The following LYSMD4 variants were observed in gnomAD, a reference collection of about 807,000 sequenced individuals.
The protein encoded by LYSMD4 is lysM and putative peptidoglycan-binding domain-containing protein 4.
Under a neutral mutation model 6.1 loss-of-function variants are expected in LYSMD4, and 9 were observed. The ratio of observed to expected loss-of-function variants is 1.47; its 90% CI spans 0.88 to 2.56. The LOEUF is 2.56. LYSMD4 is among the 30% of genes most tolerant of loss of function. The pLI is 0.00. For missense variants in LYSMD4, 384 were observed against 373.5 expected (o/e 1.03, Z -0.23); for synonymous variants, 143 against 148.5 (o/e 0.96, Z 0.27).
intron 2 of LYSMD4, 141 bp downstream of exon 2, chr15:99,731,577 T>C (rs2059412996): frequency 9.8e-6 from 15 of 1,527,762 alleles, no homozygotes; most frequent in South Asian, 1.3e-5. Context: ...TCTGGCTAAA[T>C]AGGGGAGTCC....
At chr15:99,723,132 CAGG>C (rs954693587), downstream of LYSMD4, among the ~76,000 whole-genome samples, 19 of 151,440 alleles carry the variant, frequency 1.3e-4, no homozygotes, top group Admixed American at 5.3e-4. Flanking sequence ...CAAAATAAAA[CAGG>C]AGACAATAAA....
Position 99,731,872 on chromosome 15 carries a change from G to C in LYSMD4, c.128C>G (p.Ser43Cys), listed in dbSNP as rs757016851. 3.1e-6 allele frequency: 5 copies of C among 1,613,592 alleles called. No homozygotes were observed. In the East Asian group the frequency reaches 1.1e-4, roughly 36 times the overall value. Residue 43 changes from serine to cysteine, a missense_variant, in exon 2 of 3, where the codon TCT (serine) becomes TGT (cysteine). Transcript: ENST00000684762. Reference sequence around the variant, plus strand: ...CCGGGGCCGCAAAACCACACGGTGAGACTCTTCTTCAGAAGAGTCCCCCGA... The same window carrying C: ...CCGGGGCCGCAAAACCACACGGTGACACTCTTCTTCAGAAGAGTCCCCCGA... Reference protein sequence around the residue: ...GDSGDSSEEESHRVVLRPRGK... With the variant: ...GDSGDSSEEECHRVVLRPRGK...
chr15:99,723,412 T>C (rs762151088), downstream of LYSMD4, among the ~76,000 whole-genome samples: 2 of 152,228 alleles, frequency 1.3e-5, no homozygotes, highest in Non-Finnish European at 2.9e-5. Context: ...ACAGGGCCAA[T>C]TGTATTAACT....
At chr15:99,730,989 C>A (rs1283841171) in intron 2 of LYSMD4, among the ~76,000 whole-genome samples, 2 of 152,196 alleles carry the variant, frequency 1.3e-5, no homozygotes, top group African/African-American at 2.4e-5. Flanking sequence ...ACACCCCACA[C>A]AACATGTTTC....
chr15:99,730,060 C>G (rs565969183), intron 2 of LYSMD4, among the ~76,000 whole-genome samples: 10 of 152,316 alleles, frequency 6.6e-5, no homozygotes, highest in African/African-American at 2.4e-4. Flanking sequence ...GCGAAACCAC[C>G]ATGGCACTGA....
upstream of LYSMD4, among the ~76,000 whole-genome samples, chr15:99,720,229 C>T (rs1011601667): frequency 1.3e-5 from 2 of 152,204 alleles, no homozygotes; most frequent in African/African-American, 4.8e-5. Context: ...AAGTCACCCA[C>T]GTACTCTTGT....
At chr15:99,732,137 C>A in intron 1 of LYSMD4, 130 bp from the exon 2 acceptor site, 2 of 948,652 alleles carry the variant, frequency 2.1e-6, no homozygotes, top group Non-Finnish European at 1.5e-6. Flanking sequence ...CATACATCAT[C>A]AACAGAAAAA....
chr15:99,729,609 G>A lies in LYSMD4; in HGVS notation c.405C>T (p.Pro135=). The stretch of plus-strand genomic sequence containing the variant: ...TGGTCTCGGAAGACGGGCTCAGAAG[G>A]GGTTTCAGTTCTTTGTGGGTCTCCA... ...ILMETHKELK[P]LLSPSSETTV... is the part of the protein sequence containing the mutation. The change falls in exon 3 of 3, where the codon CCC becomes CCT. Residue 135 remains proline (P), a synonymous_variant. Transcript: ENST00000684762. 1 of 1,614,138 alleles carries A rather than the reference G, an allele frequency of 6.2e-7. No individual in the cohort carries two copies.
chr15:99,731,527 C>T (rs1470118760), intron 2 of LYSMD4, 191 bp downstream of exon 2: 2 of 1,558,924 alleles, frequency 1.3e-6, no homozygotes, highest in East Asian at 4.5e-5. Context: ...CTTTGGGGGC[C>T]AGGGTTGGGA....
chr15:99,725,287 C>A (rs375288643), downstream of LYSMD4, among the ~76,000 whole-genome samples: 3 of 152,186 alleles, frequency 2.0e-5, no homozygotes, highest in Admixed American at 1.3e-4. Context: ...TTTCCATTAT[C>A]TCAAGTAGCA....
At chr15:99,731,224 G>C (rs760642233) in intron 2 of LYSMD4, 2 of 1,611,268 alleles carry the variant, frequency 1.2e-6, no homozygotes, top group East Asian at 4.5e-5. Flanking sequence ...GAGAAAAACA[G>C]GGTTATATAG....
At chr15:99,718,726 C>G (rs1018497265), upstream of LYSMD4, among the ~76,000 whole-genome samples, 1 of 152,152 alleles carries the variant, frequency 6.6e-6, no homozygotes, top group African/African-American at 2.4e-5. Context: ...TCTGGCACCA[C>G]AGGTGCTCCA....
rs755812757 is a variant in LYSMD4 at position 99,731,888 on chromosome 15, A to C, written c.112T>G (p.Ser38Ala). 6.2e-7 allele frequency: 1 copy of C among 1,613,528 alleles called. No individual in the cohort carries two copies. ...FKNGSGDSGD[S>A]SEEESHRVVL... is the part of the protein sequence containing the mutation. ...ACACGGTGAGACTCTTCTTCAGAAG[A>C]GTCCCCCGAGTCCCCACTGCCATTC... Residue 38 changes from serine to alanine, a missense_variant, in exon 2 of 3, where the codon TCT (serine) becomes GCT (alanine). Transcript: ENST00000684762.
rs186364875 is a variant in LYSMD4, at chr15:99,730,540, G to C, written c.283-809C>G. 4.6e-3 allele frequency among the ~76,000 whole-genome samples: 705 copies of C among 152,306 alleles called. 2 individuals are homozygous for C. Among genetic ancestry groups the C allele is most frequent in the Non-Finnish European group, 8.3e-3 (563 of 68,020 alleles). ...TTAACACTTAAGTCCACTTAAACTA[G>C]AAAGTGAATACAGCCAACAGATCTC... On this transcript the variant is annotated intron_variant, in intron 2 of 2. Coordinates refer to ENST00000684762, the MANE Select transcript of LYSMD4 (RefSeq NM_001284417.2).
chr15:99,729,492 G>C lies in LYSMD4; in HGVS notation c.522C>G (p.Asp174Glu), dbSNP rs1250070861. 6.2e-7 allele frequency: 1 copy of C among 1,614,100 alleles called. No homozygotes were observed. Among genetic ancestry groups the C allele is most frequent in the Admixed American group, 1.7e-5 (1 of 60,020 alleles). The change falls in exon 3 of 3, where the codon GAC becomes GAG. Residue 174 changes from aspartate to glutamate, a missense_variant. Physicochemically the swap from Asp to Glu is conservative, Grantham distance 45. Transcript: ENST00000684762. Reference sequence around the variant, plus strand: ...ACTGCACTGCACGCTCAATATCCTGGTCAATCCCCTTAAAGAAGCCCATCA... The same window carrying C: ...ACTGCACTGCACGCTCAATATCCTGCTCAATCCCCTTAAAGAAGCCCATCA... ...GQLMGFFKGIDQDIERAVQSE... is the reference protein window; with the variant it reads ...GQLMGFFKGIEQDIERAVQSE...
intron 2 of LYSMD4, chr15:99,731,441 G>C (rs2059408680): frequency 1.2e-6 from 2 of 1,606,424 alleles, no homozygotes; most frequent in Admixed American, 3.5e-5. Context: ...AAGAAAAAAG[G>C]TTTCAGAATT....
downstream of LYSMD4, among the ~76,000 whole-genome samples, chr15:99,724,296 C>T (rs955897568): frequency 4.2e-5 from 6 of 144,058 alleles, no homozygotes; most frequent in East Asian, 3.9e-4. Flanking sequence ...GGTTTGGCTC[C>T]GATGCCCAGG....
intron 2 of LYSMD4, among the ~76,000 whole-genome samples, chr15:99,730,947 G>C (rs949316822): frequency 6.6e-6 from 1 of 152,110 alleles, no homozygotes; most frequent in African/African-American, 2.4e-5. Flanking sequence ...TGTCCCCGGA[G>C]ACCAACCTGT....
At chr15:99,721,193 CAG>C (rs1197597556), upstream of LYSMD4, among the ~76,000 whole-genome samples, 3 of 152,140 alleles carry the variant, frequency 2.0e-5, no homozygotes, top group African/African-American at 7.2e-5. Context: ...AGGATGAAGA[CAG>C]GTGCTAAAGT....
Sources: gnomAD v4.1 joint callset for allele counts (sites outside exome capture counted in the v4.1 genomes callset) on GRCh38, gnomAD v4.1.1 for gene constraint, MANE v1.5 for transcripts, NCBI Gene and HGNC (gene_info 2026-07-23, HGNC 2026-07-21) for gene names.